The following DYRK1A variants were observed in gnomAD, a reference collection of about 807,000 sequenced individuals.
DYRK1A encodes the protein dual specificity tyrosine-phosphorylation-regulated kinase 1A.
DYRK1A carries 9 observed loss-of-function variants against 79.7 expected under a neutral mutation model. The observed-to-expected ratio is 0.11, with a 90% CI of 0.07 to 0.20. DYRK1A has a LOEUF of 0.20. Among genes scored for constraint, DYRK1A ranks in the 10% least tolerant of loss-of-function variants. The probability of loss-of-function intolerance (pLI) is 1.00; values close to 1 mark genes in which losing one functional copy is unlikely to be tolerated. For missense variants in DYRK1A, 622 were observed against 956.0 expected (o/e 0.65, Z 4.61); for synonymous variants, 349 against 329.7 (o/e 1.06, Z -0.63).
At chr21:37,435,780 A>T (rs2050906501) in intron 2 of DYRK1A, among the ~76,000 whole-genome samples, 1 of 152,194 alleles carries the variant, frequency 6.6e-6, no homozygotes, top group Admixed American at 6.5e-5. Context: ...TTTTGGGCAG[A>T]ATTTATCTTG....
intron 2 of DYRK1A, among the ~76,000 whole-genome samples, chr21:37,463,636 T>A (rs935164281): frequency 6.6e-6 from 1 of 152,226 alleles, no homozygotes; most frequent in African/African-American, 2.4e-5. Flanking sequence ...CACAGATATT[T>A]ATTGAATGCA....
chr21:37,459,100 G>A (rs2051755744), intron 2 of DYRK1A, among the ~76,000 whole-genome samples: 1 of 152,196 alleles, frequency 6.6e-6, no homozygotes, highest in South Asian at 2.1e-4. Flanking sequence ...TAGTATGAAG[G>A]ACAGCTTTGA....
chr21:37,393,058 A>G (rs1365256424), intron 1 of DYRK1A, among the ~76,000 whole-genome samples: 3 of 152,216 alleles, frequency 2.0e-5, no homozygotes, highest in Non-Finnish European at 4.4e-5. Context: ...ATCTCCCAGC[A>G]CTGTTATGTT....
intron 2 of DYRK1A, among the ~76,000 whole-genome samples, chr21:37,444,969 A>G (rs771594717): frequency 6.6e-6 from 1 of 152,100 alleles, no homozygotes; most frequent in South Asian, 2.1e-4. Context: ...CTGGGAGGTG[A>G]CATGCAATTA....
chr21:37,429,007 C>T (rs1227988462), intron 2 of DYRK1A: 7 of 152,100 alleles, frequency 4.6e-5, no homozygotes, highest in Non-Finnish European at 7.4e-5. Context: ...ATGGTGCCTT[C>T]TTAGTTTGGC....
At chr21:37,473,476 T>C (rs935886572) in intron 3 of DYRK1A, among the ~76,000 whole-genome samples, 1 of 152,152 alleles carries the variant, frequency 6.6e-6, no homozygotes, top group South Asian at 2.1e-4. Context: ...ATTTTTAATA[T>C]CTTTCTAAAT....
intron 6 of DYRK1A, chr21:37,487,696 A>C (rs1187093834): frequency 6.6e-6 from 1 of 152,184 alleles, no homozygotes; most frequent in Admixed American, 6.5e-5. Flanking sequence ...ATGGATCTTT[A>C]AAAGGGGCAA....
chr21:37,458,959 T>C (rs2051750001), intron 2 of DYRK1A, among the ~76,000 whole-genome samples: 1 of 152,212 alleles, frequency 6.6e-6, no homozygotes, highest in African/African-American at 2.4e-5. Context: ...AGTCACTGAA[T>C]GTGCTTGCCG....
chr21:37,512,698 A>C lies in DYRK1A; in HGVS notation c.*167A>C. The C allele has an allele frequency of 1.3e-6, 1 of 766,254 alleles. No individual in the cohort carries two copies. The highest frequency in any genetic ancestry group is 2.0e-6 in the Non-Finnish European group (1 of 488,530). 47.5% of individuals were successfully genotyped at this position (766,254 alleles called of 1,614,324 possible). A position where few individuals can be genotyped will look rare whatever the true frequency, so the allele number is the denominator to read the frequency against. ...TAACTTGAAAAGATTGCAAAGGGAC[A>C]TTGAAGTGTTTAAAAGAGCCATGTC... is the stretch of plus-strand genomic sequence containing the variant. On this transcript the variant is annotated 3_prime_UTR_variant, in exon 12 of 12. Coordinates refer to ENST00000647188, the MANE Select transcript of DYRK1A (RefSeq NM_001347721.2).
In DYRK1A at chr21:37,520,712, T is replaced by C. The variant is rs2053928855; in HGVS notation, c.*8181T>C. On this transcript the variant is annotated 3_prime_UTR_variant, in exon 12 of 12. Coordinates refer to ENST00000647188, the MANE Select transcript of DYRK1A (RefSeq NM_001347721.2). ...ATATTTCTGGGAGAAGTAAATTGGA[T>C]GAGCTTTTGTGCTTCCCAGCAGCTC... 6.6e-6 allele frequency: 1 copy of C among 152,254 alleles called. No individual in the cohort carries two copies. The highest frequency in any genetic ancestry group is 2.1e-4 in the South Asian group (1 of 4,832). 9.4% of individuals were successfully genotyped at this position (152,254 alleles called of 1,614,324 possible).
In DYRK1A at chr21:37,472,468, C is replaced by T. The variant is rs1227087345; in HGVS notation, c.11-216C>T. On this transcript the variant is annotated intron_variant, in intron 2 of 11. Transcript: ENST00000647188. ...TACAAAAAGATTTTCTGAAGATTTT[C>T]TCAATACAAGTTTATATTCATTTTA... is the stretch of plus-strand genomic sequence containing the variant. 2.0e-5 allele frequency among the ~76,000 whole-genome samples: 3 copies of T among 152,170 alleles called. No homozygotes were observed. In the South Asian group the frequency reaches 6.2e-4, roughly 31 times the overall value.
At position 37,480,733 on chromosome 21, in the gene DYRK1A, T is replaced by G; in HGVS notation, c.396T>G (p.Asp132Glu). ...KERKVYNDGY[D>E]DDNYDYIVKN... ...GGAAGGTTTACAATGATGGTTATGA[T>G]GATGATAACTATGATTATATTGTAA... is the stretch of plus-strand genomic sequence containing the variant. Residue 132 changes from aspartate (D) to glutamate (E), a missense_variant, in exon 5 of 12, where the codon GAT becomes GAG. Physicochemically the swap from Asp to Glu is conservative, Grantham distance 45 (BLOSUM62 2). Coordinates refer to ENST00000647188, the MANE Select transcript of DYRK1A (RefSeq NM_001347721.2). 6.2e-7 allele frequency: 1 copy of G among 1,613,258 alleles called. No homozygotes were observed. Among genetic ancestry groups the G allele is most frequent in the Non-Finnish European group, 8.5e-7 (1 of 1,179,626 alleles).
At chr21:37,376,537 G>A (rs2049545181) in intron 1 of DYRK1A, among the ~76,000 whole-genome samples, 1 of 152,062 alleles carries the variant, frequency 6.6e-6, no homozygotes, top group South Asian at 2.1e-4. Flanking sequence ...TCACCTTGTG[G>A]TATGGTCATG....
Position 37,458,268 on chromosome 21 carries a change from CTG to C in DYRK1A, c.11-14378_11-14377del, listed in dbSNP as rs3138683. ...TAGGGGAGGGCATCTGGGTAATTTA[CTG>C]TGTGTGTGTGTGTGTGTGTGTGTGT... On this transcript the variant is annotated intron_variant, in intron 2 of 11. Transcript: ENST00000647188. 8.8e-3 allele frequency among the ~76,000 whole-genome samples: 1,144 copies of C among 130,558 alleles called. 8 individuals carry two copies. Among genetic ancestry groups the C allele is most frequent in the Middle Eastern group, 0.02 (5 of 252 alleles). The allele number at this position is 130,558 out of a possible 152,430, so 85.7% of individuals were successfully genotyped here.
At chr21:37,509,025 T>A (rs956128211) in intron 11 of DYRK1A, among the ~76,000 whole-genome samples, 2 of 152,242 alleles carry the variant, frequency 1.3e-5, no homozygotes, top group Non-Finnish European at 2.9e-5. Flanking sequence ...AAGATTTTGC[T>A]TCAAATCCTT....
chr21:37,424,518 G>A (rs1384547776), intron 2 of DYRK1A, among the ~76,000 whole-genome samples: 2 of 151,980 alleles, frequency 1.3e-5, no homozygotes, highest in African/African-American at 2.4e-5. Context: ...ATGTGGTTGG[G>A]TAAGATCCAT....
intron 1 of DYRK1A, among the ~76,000 whole-genome samples, chr21:37,393,956 C>T (rs1433697032): frequency 6.6e-6 from 1 of 152,182 alleles, no homozygotes; most frequent in Non-Finnish European, 1.5e-5. Flanking sequence ...CTTGAACTGG[C>T]AGTGTCATCT....
chr21:37,403,439 A>C (rs2148403718), intron 1 of DYRK1A, among the ~76,000 whole-genome samples: 1 of 151,736 alleles, frequency 6.6e-6, no homozygotes, highest in Middle Eastern at 3.4e-3. Context: ...GCTGCCTACT[A>C]ATTATTTTTG....
rs140011108 is a variant in DYRK1A at position 37,471,153 on chromosome 21, T to C, written c.11-1531T>C. Among the ~76,000 whole-genome samples the C allele has an allele frequency of 6.2e-4, 94 of 152,332 alleles. 1 individual carries two copies. In the East Asian group the frequency reaches 0.017, roughly 27 times the overall value. ...AGTAGATCCAGAATTGAAAATAGAA[T>C]AAAGACAGCTATTAGGAATCTGTTT... On this transcript the variant is annotated intron_variant, in intron 2 of 11. Coordinates refer to ENST00000647188, the MANE Select transcript of DYRK1A (RefSeq NM_001347721.2).
Sources: gnomAD v4.1 joint callset for allele counts (sites outside exome capture counted in the v4.1 genomes callset) on GRCh38, gnomAD v4.1.1 for gene constraint, MANE v1.5 for transcripts, NCBI Gene and HGNC (gene_info 2026-07-23, HGNC 2026-07-21) for gene names.